RPN2: variants seen among roughly 807,000 people sequenced by gnomAD.
The protein encoded by RPN2 is ribophorin II.
A neutral mutation model predicts 71.4 loss-of-function variants in RPN2; 29 were observed. That is an observed-to-expected ratio of 0.41 (90% confidence interval 0.30 to 0.55). The LOEUF (loss-of-function observed/expected upper bound fraction) is 0.55, where lower values mean the gene tolerates loss of function less well. Among genes scored for constraint, RPN2 ranks in the 20% least tolerant of loss-of-function variants. RPN2 has a pLI of 0.35. For missense variants in RPN2, 726 were observed against 774.1 expected, an observed-to-expected ratio of 0.94 and a Z score of 0.74; for synonymous variants, 308 against 305.0, an observed-to-expected ratio of 1.01 and a Z score of -0.10.
chr20:37,207,067 A>C (rs1244602059), intron 6 of RPN2, among the ~76,000 whole-genome samples: 6 of 152,146 alleles, frequency 3.9e-5, no homozygotes, highest in Non-Finnish European at 5.9e-5. Context: ...TTTATAAAGG[A>C]AGATGGAAAA....
At chr20:37,206,818 C>T (rs751773903) in intron 6 of RPN2, among the ~76,000 whole-genome samples, 2 of 151,972 alleles carry the variant, frequency 1.3e-5, no homozygotes, top group Non-Finnish European at 2.9e-5. Flanking sequence ...AAGCAATTCT[C>T]GTGCCTCAGC....
intron 14 of RPN2, 23 bp from the exon 15 acceptor site, chr20:37,233,997 A>C: frequency 6.2e-7 from 1 of 1,613,738 alleles, no homozygotes; most frequent in South Asian, 1.1e-5. Context: ...TGCCTTTTTA[A>C]TTTATTTCTC....
intron 9 of RPN2, among the ~76,000 whole-genome samples, chr20:37,214,764 A>G (rs2067766007): frequency 6.6e-6 from 1 of 152,190 alleles, no homozygotes; most frequent in Admixed American, 6.5e-5. Flanking sequence ...GTCTTATTAC[A>G]GGTCATGTTA....
intron 9 of RPN2, among the ~76,000 whole-genome samples, chr20:37,220,196 TGTGTGTGTGA>T (rs2146648926): frequency 6.6e-6 from 1 of 152,250 alleles, no homozygotes; most frequent in African/African-American, 2.4e-5. Flanking sequence ...TGTGTGTGTG[TGTGTGTGTGA>T]GTGTGAGAGA....
intron 2 of RPN2, among the ~76,000 whole-genome samples, chr20:37,184,796 AAAG>A (rs759148459): frequency 6.6e-6 from 1 of 152,218 alleles, no homozygotes; most frequent in Admixed American, 6.5e-5. Flanking sequence ...AGTCTCAAAA[AAAG>A]AAGTTTATTT....
chr20:37,204,826 G>A lies in RPN2; in HGVS notation c.615G>A (p.Leu205=). 6.2e-7 allele frequency: 1 copy of A among 1,614,122 alleles called. No homozygotes were observed. Among genetic ancestry groups the A allele is most frequent in the East Asian group, 2.2e-5 (1 of 44,880 alleles). The change falls in exon 6 of 17, where the codon CTG becomes CTA. Residue 205 remains leucine, a synonymous_variant. Transcript: ENST00000237530. The part of the protein sequence containing the change: ...GGVYLQFEEG[L]ETTALFVAAT... The stretch of plus-strand genomic sequence containing the variant: ...TGTATCTCCAGTTTGAAGAAGGACT[G>A]GAAACAACAGCGTTATTTGTGGCTG...
intron 2 of RPN2, among the ~76,000 whole-genome samples, 172 bp from the exon 3 acceptor site, chr20:37,198,225 G>A (rs1251682197): frequency 1.3e-5 from 2 of 152,192 alleles, no homozygotes; most frequent in African/African-American, 4.8e-5. Flanking sequence ...TGTACGAAGT[G>A]AGCAATTTTG....
intron 16 of RPN2, among the ~76,000 whole-genome samples, chr20:37,239,519 T>C (rs955337675): frequency 6.6e-6 from 1 of 152,264 alleles, no homozygotes; most frequent in Non-Finnish European, 1.5e-5. Context: ...AGCCTTTCCA[T>C]GGATGTGTGA....
chr20:37,214,711 A>G (rs531122323), intron 9 of RPN2, among the ~76,000 whole-genome samples: 4 of 152,310 alleles, frequency 2.6e-5, no homozygotes, highest in South Asian at 2.1e-4. Flanking sequence ...CCCAAAAGTA[A>G]TGCTCTGCCC....
chr20:37,224,017 T>C, intron 10 of RPN2, 48 bp downstream of exon 10: 1 of 1,514,194 alleles, frequency 6.6e-7, no homozygotes, highest in Middle Eastern at 1.7e-4. Flanking sequence ...GCTCAAGAGC[T>C]GAGAGGAGTA....
In RPN2 at chr20:37,230,074, G is replaced by A; in HGVS notation, c.1581+15G>A. 1 of 1,596,368 alleles carries A rather than the reference G, an allele frequency of 6.3e-7. No homozygotes were observed. The highest frequency in any genetic ancestry group is 8.6e-7 in the Non-Finnish European group (1 of 1,163,812). ...AGGAAATTCAGGTATATCCCAAAGGGCCTATCCACTAAACGTGGGAGAAGA... is the reference window on the plus strand; with the variant it reads ...AGGAAATTCAGGTATATCCCAAAGGACCTATCCACTAAACGTGGGAGAAGA... On this transcript the variant is annotated intron_variant, in intron 13 of 16. Coordinates refer to ENST00000237530, the MANE Select transcript of RPN2 (RefSeq NM_002951.5).
intron 2 of RPN2, among the ~76,000 whole-genome samples, chr20:37,198,032 C>T (rs2067291716): frequency 6.6e-6 from 1 of 152,112 alleles, no homozygotes; most frequent in South Asian, 2.1e-4. Context: ...ATTTGGAGCC[C>T]CAGTTTCTTT....
At chr20:37,203,988 C>T in intron 5 of RPN2, 28 bp downstream of exon 5, 1 of 1,524,840 alleles carries the variant, frequency 6.6e-7, no homozygotes. Flanking sequence ...AATGCATCTC[C>T]CAGCTCCTGT....
rs116649339 is a variant in RPN2, at chr20:37,236,948, G to A, written c.1883+239G>A. 0.21 allele frequency among the ~76,000 whole-genome samples: 18,117 copies of A among 85,920 alleles called. 1,108 individuals carry two copies. The highest frequency in any genetic ancestry group is 0.25 in the Middle Eastern group (27 of 106). 56.4% of individuals were successfully genotyped at this position (85,920 alleles called of 152,430 possible). A position where few individuals can be genotyped will look rare whatever the true frequency, so the allele number is the denominator to read the frequency against. On this transcript the variant is annotated intron_variant, in intron 16 of 16. Coordinates refer to ENST00000237530, the MANE Select transcript of RPN2 (RefSeq NM_002951.5). The stretch of plus-strand genomic sequence containing the variant: ...TGCCCCAATACAATAGAATGAGAGA[G>A]GAAAATTATTAGCTTTATGAAGATG...
intron 2 of RPN2, among the ~76,000 whole-genome samples, chr20:37,196,061 G>A (rs971439653): frequency 1.3e-5 from 2 of 151,676 alleles, no homozygotes; most frequent in African/African-American, 2.4e-5. Context: ...AGCACCCCGC[G>A]CTTTTTTTTT....
At chr20:37,184,416 A>G (rs1370320498) in intron 2 of RPN2, 43 bp downstream of exon 2, 6 of 1,498,808 alleles carry the variant, frequency 4.0e-6, no homozygotes, top group Non-Finnish European at 5.6e-6. Flanking sequence ...GTTCAGGAGA[A>G]CCTTCATCCC....
At chr20:37,209,891 AG>A (rs1201484316) in intron 7 of RPN2, among the ~76,000 whole-genome samples, 155 bp from the exon 8 acceptor site, 1 of 152,222 alleles carries the variant, frequency 6.6e-6, no homozygotes, top group Non-Finnish European at 1.5e-5. Flanking sequence ...AATTCACTTT[AG>A]GATTAGGCAG....
At chr20:37,238,564 C>A in intron 16 of RPN2, 1 of 773,628 alleles carries the variant, frequency 1.3e-6, no homozygotes. Context: ...CCACCCCTCC[C>A]TAAGCCACAG....
At chr20:37,181,431 C>CTTTTTTTT (rs748226554) in intron 1 of RPN2, among the ~76,000 whole-genome samples, 1 of 129,454 alleles carries the variant, frequency 7.7e-6, no homozygotes, top group Non-Finnish European at 1.6e-5. Context: ...TTTTTCTTTT[C>CTTTTTTTT]TTTTTTTTTT....
Sources: allele counts gnomAD v4.1 joint callset (sites outside exome capture counted in the v4.1 genomes callset), GRCh38; gene constraint gnomAD v4.1.1; transcripts MANE v1.5; gene names NCBI Gene and HGNC (gene_info 2026-07-23, HGNC 2026-07-21).